The following DDC variants were observed in gnomAD, a reference collection of about 807,000 sequenced individuals.
The protein encoded by DDC is aromatic-L-amino-acid decarboxylase.
Under a neutral mutation model 60.0 loss-of-function variants are expected in DDC, and 43 were observed. The ratio of observed to expected loss-of-function variants is 0.72; its 90% CI spans 0.56 to 0.92. The LOEUF is 0.92. DDC is among the 40% of genes least tolerant of loss of function. The pLI is 0.00. For missense variants in DDC, 573 were observed against 620.2 expected, an observed-to-expected ratio of 0.92 and a Z score of 0.81; for synonymous variants, 232 against 234.6, an observed-to-expected ratio of 0.99 and a Z score of 0.10.
intron 10 of DDC, among the ~76,000 whole-genome samples, chr7:50,478,267 A>G (rs1161104474): frequency 6.6e-6 from 1 of 152,158 alleles, no homozygotes; most frequent in Non-Finnish European, 1.5e-5. Context: ...AAATGAGGGA[A>G]TGGCCCACCT....
At chr7:50,519,157 AT>A (rs2043819408) in intron 6 of DDC, among the ~76,000 whole-genome samples, 5 of 152,208 alleles carry the variant, frequency 3.3e-5, no homozygotes, top group African/African-American at 1.2e-4. Context: ...AACATCACTA[AT>A]AATCAGGGAA....
At chr7:50,486,030 T>C (rs2042873420) in intron 9 of DDC, among the ~76,000 whole-genome samples, 2 of 152,358 alleles carry the variant, frequency 1.3e-5, no homozygotes, top group Admixed American at 6.5e-5. Flanking sequence ...GGATGCTGTG[T>C]TCCACCTACT....
rs908302295 is a variant in DDC, at chr7:50,511,728, C to A, written c.715-7669G>T. On this transcript the variant is annotated intron_variant, in intron 6 of 14. Transcript: ENST00000444124. Reference sequence around the variant, plus strand: ...TGGGCGACAGAGCGAGACTCCATCTCAAAAAGAAAAAAAGAAAAAGAAAAA... The same window carrying A: ...TGGGCGACAGAGCGAGACTCCATCTAAAAAAGAAAAAAAGAAAAAGAAAAA... Among the ~76,000 whole-genome samples the A allele has an allele frequency of 1.0e-4, 15 of 149,992 alleles. No individual in the cohort carries two copies. The South Asian group carries it at 2.9e-3, about 29-fold the overall frequency.
intron 9 of DDC, chr7:50,492,645 T>G: frequency 1.7e-6 from 2 of 1,197,784 alleles, no homozygotes; most frequent in Non-Finnish European, 2.1e-6. Context: ...AGGCCTCTCT[T>G]GTGTCTTAGG....
rs139580692 is a variant in DDC, at chr7:50,471,286, G to A, written c.1042-1115C>T. 4.8e-3 allele frequency among the ~76,000 whole-genome samples: 724 copies of A among 152,272 alleles called. 6 individuals are homozygous for A. The highest frequency in any genetic ancestry group is 0.016 in the African/African-American group (681 of 41,554). On this transcript the variant is annotated intron_variant, in intron 11 of 14. Coordinates refer to ENST00000444124, the MANE Select transcript of DDC (RefSeq NM_001082971.2). ...ACATGCCTGTAATCCCATCTACTTG[G>A]GAAGCTGAGGCAGGACCCAGGAGGC...
chr7:50,525,059 T>C (rs1188552442), intron 6 of DDC, among the ~76,000 whole-genome samples: 2 of 152,258 alleles, frequency 1.3e-5, no homozygotes, highest in African/African-American at 4.8e-5. Context: ...AAGGCCATTA[T>C]GCTGAGTGAG....
At chr7:50,521,819 T>C (rs2043898667) in intron 6 of DDC, among the ~76,000 whole-genome samples, 1 of 152,190 alleles carries the variant, frequency 6.6e-6, no homozygotes, top group Non-Finnish European at 1.5e-5. Context: ...AACCTACTCT[T>C]AACATCATAC....
At chr7:50,467,146 G>A (rs2042416801) in intron 13 of DDC, 68 bp downstream of exon 13, 11 of 1,336,290 alleles carry the variant, frequency 8.2e-6, no homozygotes. Context: ...GAGCATGGAG[G>A]TAATGAACAA....
intron 6 of DDC, among the ~76,000 whole-genome samples, chr7:50,513,399 G>C (rs1312982066): frequency 6.6e-6 from 1 of 152,180 alleles, no homozygotes; most frequent in Non-Finnish European, 1.5e-5. Context: ...AGCCAGAGGA[G>C]CAGTGGGTAA....
rs2044095002 is a variant in DDC, at chr7:50,528,198, C to G, written c.653G>C (p.Arg218Pro). ...CAGGGCTTCCTGCAGGGCAGACGCACGCATGGCGAAGTTGCCATCTGAGGG... is the reference window on the plus strand; with the variant it reads ...CAGGGCTTCCTGCAGGGCAGACGCAGGCATGGCGAAGTTGCCATCTGAGGG... ...AIPSDGNFAMRASALQEALER... is the reference protein window; with the variant it reads ...AIPSDGNFAMPASALQEALER... Residue 218 changes from arginine (R) to proline (P), a missense_variant, in exon 6 of 15, where the codon CGT (arginine) becomes CCT (proline). Arg to Pro is a moderately radical substitution (Grantham distance 103). Coordinates refer to ENST00000444124, the MANE Select transcript of DDC (RefSeq NM_001082971.2). 1 of 1,613,950 alleles carries G rather than the reference C, an allele frequency of 6.2e-7. No individual in the cohort carries two copies. Among genetic ancestry groups the G allele is most frequent in the African/African-American group, 1.3e-5 (1 of 74,920 alleles).
intron 1 of DDC, among the ~76,000 whole-genome samples, chr7:50,550,730 T>C (rs1355497480): frequency 6.6e-6 from 1 of 152,224 alleles, no homozygotes; most frequent in South Asian, 2.1e-4. Flanking sequence ...TGCATTCTTT[T>C]GAGTTTCTGA....
At chr7:50,512,537 C>T (rs562272327) in intron 6 of DDC, among the ~76,000 whole-genome samples, 231 of 152,330 alleles carry the variant, frequency 1.5e-3, no homozygotes, top group Non-Finnish European at 2.7e-3. Context: ...CCACCACCCC[C>T]AGGCCCATGG....
Position 50,548,889 on chromosome 7 carries a change from G to C in DDC, c.-28-4776C>G, listed in dbSNP as rs183683937. On this transcript the variant is annotated intron_variant, in intron 1 of 14. Transcript: ENST00000444124. Reference sequence around the variant, plus strand: ...TCAAAGTACAGGCTGACTCTCAAAGGGGGTAACACAGCTGGTGACTTTAAG... The same window carrying C: ...TCAAAGTACAGGCTGACTCTCAAAGCGGGTAACACAGCTGGTGACTTTAAG... Among the ~76,000 whole-genome samples the C allele has an allele frequency of 1.1e-4, 17 of 152,276 alleles. No individual in the cohort carries two copies. The East Asian group carries it at 1.9e-3, about 17-fold the overall frequency.
chr7:50,479,078 A>C (rs913220748), intron 10 of DDC, among the ~76,000 whole-genome samples: 3 of 152,268 alleles, frequency 2.0e-5, no homozygotes, highest in Non-Finnish European at 4.4e-5. Context: ...CCTACCATTA[A>C]TTAGCCAGAT....
intron 11 of DDC, 88 bp downstream of exon 11, chr7:50,476,536 A>G: frequency 8.2e-7 from 1 of 1,221,774 alleles, no homozygotes; most frequent in Non-Finnish European, 1.2e-6. Flanking sequence ...GCTGATCATG[A>G]GAGTGGGGGA....
chr7:50,498,343 C>CT (rs2043170663), intron 8 of DDC, among the ~76,000 whole-genome samples: 1 of 152,218 alleles, frequency 6.6e-6, no homozygotes, highest in Non-Finnish European at 1.5e-5. Context: ...GAAAGCATTT[C>CT]TTTCTTGGCC....
chr7:50,497,481 A>C (rs777314584), intron 8 of DDC, among the ~76,000 whole-genome samples: 101 of 152,354 alleles, frequency 6.6e-4, no homozygotes, highest in Admixed American at 1.2e-3. Flanking sequence ...TGGGGAGGGC[A>C]CATAAATCCC....
chr7:50,542,915 C>T (rs3807553), intron 2 of DDC: 13,643 of 152,288 alleles, frequency 0.09, 958 homozygotes, highest in South Asian at 0.14. Flanking sequence ...GGACTGTAAC[C>T]TTGTCTGACC....
intron 3 of DDC, among the ~76,000 whole-genome samples, chr7:50,539,452 A>AC (rs992627748): frequency 3.3e-5 from 5 of 150,934 alleles, no homozygotes; most frequent in South Asian, 2.1e-4. Flanking sequence ...TTTTCCAGAG[A>AC]CCCCCCTGCT....
Sources: gnomAD v4.1 joint callset for allele counts (sites outside exome capture counted in the v4.1 genomes callset) on GRCh38, gnomAD v4.1.1 for gene constraint, MANE v1.5 for transcripts, NCBI Gene and HGNC (gene_info 2026-07-23, HGNC 2026-07-21) for gene names.